The following LEKR1 variants were observed in gnomAD, a reference collection of about 807,000 sequenced individuals.
The protein encoded by LEKR1 is protein LEKR1.
A neutral mutation model predicts 72.4 loss-of-function variants in LEKR1; 59 were observed. The ratio of observed to expected loss-of-function variants is 0.82; its 90% CI spans 0.66 to 1.01. LEKR1 has a LOEUF of 1.01. Among genes scored for constraint, LEKR1 ranks in the 50% least tolerant of loss-of-function variants. LEKR1 has a pLI of 0.00. For missense variants in LEKR1, 728 were observed against 759.2 expected, an observed-to-expected ratio of 0.96 and a Z score of 0.48; for synonymous variants, 257 against 263.2, an observed-to-expected ratio of 0.98 and a Z score of 0.23.
intron 12 of LEKR1, among the ~76,000 whole-genome samples, chr3:157,036,244 T>C (rs1235051038): frequency 6.6e-6 from 1 of 151,944 alleles, no homozygotes; most frequent in Non-Finnish European, 1.5e-5. Flanking sequence ...TCATTAAACA[T>C]AAACAGCCAG....
chr3:156,875,594 T>C (rs765977710), intron 3 of LEKR1, among the ~76,000 whole-genome samples: 1 of 152,156 alleles, frequency 6.6e-6, no homozygotes, highest in Non-Finnish European at 1.5e-5. Context: ...GTCATGAACT[T>C]AATGACTACA....
Position 156,858,733 on chromosome 3 carries a change from A to T in LEKR1, c.263+5751A>T, listed in dbSNP as rs374268391. 3.3e-4 allele frequency among the ~76,000 whole-genome samples: 50 copies of T among 151,396 alleles called. No homozygotes were observed. In the East Asian group the frequency reaches 6.6e-3, roughly 20 times the overall value. On this transcript the variant is annotated intron_variant, in intron 3 of 12. Transcript: ENST00000356539. ...TTCTTTAATGTTTAGTTTTCTTTCT[A>T]CTTACTTGAGTTGAAGTCTTTGGTT...
intron 2 of LEKR1, among the ~76,000 whole-genome samples, chr3:156,836,832 A>G (rs1181731045): frequency 6.6e-6 from 1 of 152,208 alleles, no homozygotes; most frequent in Non-Finnish European, 1.5e-5. Flanking sequence ...GTATCCAACC[A>G]GAAAGGACTC....
intron 3 of LEKR1, among the ~76,000 whole-genome samples, chr3:156,892,224 G>A (rs17382208): frequency 0.032 from 4,841 of 152,180 alleles, 117 homozygotes; most frequent in Non-Finnish European, 0.047. Flanking sequence ...AGATAGAATA[G>A]ACGCCACCAG....
rs1420798573 is a variant in LEKR1, at chr3:156,954,170, AGTGTCT to A, written c.745+11459_745+11464del. On this transcript the variant is annotated intron_variant, in intron 6 of 12. Transcript: ENST00000356539. ...GCTGCATGTATGTCTTCTTTTGAAA[AGTGTCT>A]GTTCATGTTCTTTGCCTACTTTTTA... Among the ~76,000 whole-genome samples, 19 of 151,986 alleles carry A rather than the reference AGTGTCT, an allele frequency of 1.3e-4. No homozygotes were observed. The South Asian group carries it at 2.1e-3, about 17-fold the overall frequency.
At chr3:156,966,267 G>T (rs1334217717) in intron 6 of LEKR1, among the ~76,000 whole-genome samples, 1 of 152,076 alleles carries the variant, frequency 6.6e-6, no homozygotes, top group African/African-American at 2.4e-5. Context: ...ACTGGGGAGT[G>T]TTGGAAATTG....
intron 3 of LEKR1, among the ~76,000 whole-genome samples, chr3:156,861,513 T>C (rs1716760453): frequency 6.6e-6 from 1 of 152,096 alleles, no homozygotes; most frequent in Non-Finnish European, 1.5e-5. Flanking sequence ...TCTCTTGAGA[T>C]TCTGATTTGC....
intron 7 of LEKR1, among the ~76,000 whole-genome samples, chr3:156,983,037 C>T (rs1246907245): frequency 6.6e-6 from 1 of 151,988 alleles, no homozygotes; most frequent in Non-Finnish European, 1.5e-5. Flanking sequence ...TTAAGAAGGT[C>T]TTGTATGTAT....
chr3:156,865,454 A>G (rs537615236), intron 3 of LEKR1, among the ~76,000 whole-genome samples: 1 of 152,208 alleles, frequency 6.6e-6, no homozygotes, highest in South Asian at 2.1e-4. Context: ...AATTATGATT[A>G]TCATCCATCC....
chr3:156,962,426 A>G (rs973153062), intron 6 of LEKR1, among the ~76,000 whole-genome samples: 4 of 152,242 alleles, frequency 2.6e-5, no homozygotes, highest in Non-Finnish European at 5.9e-5. Context: ...TTCTGTGTCC[A>G]AAAGTAGATG....
At position 156,871,957 on chromosome 3, in the gene LEKR1, G is replaced by A. The variant is rs148057246; in HGVS notation, c.263+18975G>A. Among the ~76,000 whole-genome samples, 965 of 152,210 alleles carry A rather than the reference G, an allele frequency of 6.3e-3. 12 individuals are homozygous for A. The highest frequency in any genetic ancestry group is 0.022 in the African/African-American group (924 of 41,540). On this transcript the variant is annotated intron_variant, in intron 3 of 12. Coordinates refer to ENST00000356539, the MANE Select transcript of LEKR1 (RefSeq NM_001004316.3). ...CAGGGTAATGTTGGTCTCATAGAAT[G>A]AGGCAGGGAGAATTCCCTCCTCTTC...
chr3:156,905,886 G>T (rs1722480836), intron 3 of LEKR1, among the ~76,000 whole-genome samples: 1 of 152,076 alleles, frequency 6.6e-6, no homozygotes. Flanking sequence ...TGATTTCTTT[G>T]TTGCAGTTCT....
chr3:156,985,394 A>G (rs775404634), intron 7 of LEKR1, among the ~76,000 whole-genome samples: 3 of 152,160 alleles, frequency 2.0e-5, no homozygotes, highest in Non-Finnish European at 4.4e-5. Flanking sequence ...ACAAGACCCT[A>G]CGTTTCTTGG....
Position 156,869,015 on chromosome 3 carries a change from A to G in LEKR1, c.263+16033A>G, listed in dbSNP as rs571160961. ...CTCCAGTTCCATCCATGTTGCTGCA[A>G]ATGGCATGATTTCATTCTTTTTTAT... On this transcript the variant is annotated intron_variant, in intron 3 of 12. Coordinates refer to ENST00000356539, the MANE Select transcript of LEKR1 (RefSeq NM_001004316.3). 7.9e-5 allele frequency among the ~76,000 whole-genome samples: 12 copies of G among 152,196 alleles called. No homozygotes were observed. The East Asian group carries it at 1.7e-3, about 22-fold the overall frequency.
chr3:157,019,231 A>T (rs926684127), intron 10 of LEKR1, among the ~76,000 whole-genome samples: 1 of 152,206 alleles, frequency 6.6e-6, no homozygotes, highest in South Asian at 2.1e-4. Context: ...GTCATATTAT[A>T]ACATGGTGTT....
At chr3:156,894,102 A>G (rs1276473903) in intron 3 of LEKR1, among the ~76,000 whole-genome samples, 1 of 152,234 alleles carries the variant, frequency 6.6e-6, no homozygotes, top group Non-Finnish European at 1.5e-5. Flanking sequence ...GAAGTCTTTA[A>G]TGGAGCAGAC....
chr3:156,883,646 A>T, intron 3 of LEKR1, among the ~76,000 whole-genome samples: 1 of 152,112 alleles, frequency 6.6e-6, no homozygotes, highest in East Asian at 1.9e-4. Context: ...GTCTCACAAG[A>T]TCTGATAGTT....
At chr3:156,973,225 A>G (rs1378446098) in intron 6 of LEKR1, among the ~76,000 whole-genome samples, 3 of 152,156 alleles carry the variant, frequency 2.0e-5, no homozygotes, top group African/African-American at 2.4e-5. Context: ...CTCAAGCACT[A>G]TAACAGATAA....
intron 12 of LEKR1, among the ~76,000 whole-genome samples, chr3:157,029,855 C>T (rs573089115): frequency 7.9e-5 from 12 of 152,114 alleles, no homozygotes; most frequent in Non-Finnish European, 1.6e-4. Context: ...TCTAACTATT[C>T]ATTCACAAAA....
Sources: allele counts gnomAD v4.1 joint callset (sites outside exome capture counted in the v4.1 genomes callset), GRCh38; gene constraint gnomAD v4.1.1; transcripts MANE v1.5; gene names NCBI Gene and HGNC (gene_info 2026-07-23, HGNC 2026-07-21).